CSMD3: variants seen among roughly 807,000 people sequenced by gnomAD.
CSMD3 encodes CUB and Sushi multiple domains 3, also known as CUB and sushi domain-containing protein 3.
CSMD3 carries 177 observed loss-of-function variants against 435.2 expected under a neutral mutation model. The ratio of observed to expected loss-of-function variants is 0.41; its 90% confidence interval spans 0.36 to 0.46. CSMD3 has a LOEUF of 0.46. Ranked by LOEUF, CSMD3 falls within the 20% of genes least tolerant of loss-of-function variation. The pLI is 0.34. For synonymous variants in CSMD3, 1,656 were observed against 1,520.5 expected (o/e 1.09, Z -2.07); for missense variants, 4,265 against 4,504.6 (o/e 0.95, Z 1.52).
In CSMD3 at chr8:113,000,719, C is replaced by A. The variant is rs113666299; in HGVS notation, c.1030+18348G>T. On this transcript the variant is annotated intron_variant, in intron 6 of 70. Transcript: ENST00000297405. ...CTTTGGTTGTATTTTCCTGATTTTA[C>A]ATTAAGTCTTTGGGGGAAATCATTA... 4.6e-3 allele frequency among the ~76,000 whole-genome samples: 697 copies of A among 152,062 alleles called. 5 individuals carry two copies. Among genetic ancestry groups the A allele is most frequent in the Non-Finnish European group, 7.1e-3 (485 of 67,944 alleles).
At chr8:112,789,102 G>A (rs746767193) in intron 13 of CSMD3, among the ~76,000 whole-genome samples, 9 of 152,012 alleles carry the variant, frequency 5.9e-5, no homozygotes, top group Non-Finnish European at 1.0e-4. Flanking sequence ...TATATAAAGA[G>A]ACATCTCAAA....
chr8:112,355,128 T>A (rs1053050262), intron 38 of CSMD3, among the ~76,000 whole-genome samples: 1 of 152,230 alleles, frequency 6.6e-6, no homozygotes, highest in East Asian at 1.9e-4. Flanking sequence ...TAAATGGTGC[T>A]AGGATAACTG....
intron 1 of CSMD3, among the ~76,000 whole-genome samples, chr8:113,346,538 C>A (rs1363607762): frequency 6.6e-6 from 1 of 151,972 alleles, no homozygotes; most frequent in Non-Finnish European, 1.5e-5. Flanking sequence ...AAAAATGGAA[C>A]TTTGTATATG....
chr8:113,288,887 A>G (rs2132516629), intron 2 of CSMD3, among the ~76,000 whole-genome samples: 1 of 151,962 alleles, frequency 6.6e-6, no homozygotes, highest in African/African-American at 2.4e-5. Flanking sequence ...TGGGAGATTT[A>G]ATTGGGATAA....
At position 112,436,303 on chromosome 8, in the gene CSMD3, A is replaced by T. The variant is rs1814341349; in HGVS notation, c.5396-27271T>A. Among the ~76,000 whole-genome samples the T allele has an allele frequency of 2.0e-5, 3 of 151,890 alleles. No individual in the cohort carries two copies. In the South Asian group the frequency reaches 6.2e-4, roughly 31 times the overall value. On this transcript the variant is annotated intron_variant, in intron 32 of 70. Transcript: ENST00000297405. ...AGTAAATATAATAAAGTTATAAAAG[A>T]TATTTTTCTATGCCTTATTCTGATT...
intron 5 of CSMD3, among the ~76,000 whole-genome samples, chr8:113,090,046 G>A (rs576728727): frequency 6.6e-6 from 1 of 152,024 alleles, no homozygotes; most frequent in Non-Finnish European, 1.5e-5. Flanking sequence ...CATTGTAGAA[G>A]GGACCAGTGA....
intron 1 of CSMD3, among the ~76,000 whole-genome samples, chr8:113,420,727 C>A (rs1283080660): frequency 6.6e-6 from 1 of 151,920 alleles, no homozygotes; most frequent in Non-Finnish European, 1.5e-5. Context: ...GCGGATGGAT[C>A]ACCTGAGGTC....
chr8:113,048,507 G>A (rs1280208144), intron 5 of CSMD3, among the ~76,000 whole-genome samples: 1 of 152,064 alleles, frequency 6.6e-6, no homozygotes, highest in Non-Finnish European at 1.5e-5. Context: ...TTATATTAAA[G>A]TCTTTATAAA....
chr8:113,130,490 C>G (rs2091257739), intron 4 of CSMD3, among the ~76,000 whole-genome samples: 1 of 152,142 alleles, frequency 6.6e-6, no homozygotes, highest in Non-Finnish European at 1.5e-5. Context: ...TCCCCTTCAC[C>G]TTCTGCCATG....
intron 13 of CSMD3, among the ~76,000 whole-genome samples, chr8:112,693,732 GTTGT>G (rs770359080): frequency 6.6e-6 from 1 of 151,296 alleles, no homozygotes; most frequent in Non-Finnish European, 1.5e-5. Context: ...CCTTTAAAAT[GTTGT>G]TTATTATATG....
At chr8:113,007,649 G>T (rs1564201903) in intron 6 of CSMD3, among the ~76,000 whole-genome samples, 2 of 151,866 alleles carry the variant, frequency 1.3e-5, no homozygotes, top group African/African-American at 4.8e-5. Context: ...AATTTAGTGT[G>T]GTCATAGAAC....
intron 4 of CSMD3, among the ~76,000 whole-genome samples, chr8:113,152,224 A>G (rs1234583935): frequency 6.6e-6 from 1 of 152,082 alleles, no homozygotes; most frequent in African/African-American, 2.4e-5. Context: ...GACAAAACTT[A>G]AAATCACACT....
At position 113,266,200 on chromosome 8, in the gene CSMD3, T is replaced by C. The variant is rs1054837566; in HGVS notation, c.514+12392A>G. On this transcript the variant is annotated intron_variant, in intron 3 of 70. Coordinates refer to ENST00000297405, the MANE Select transcript of CSMD3 (RefSeq NM_198123.2). ...TAAACTTAAAAAAAAAAAAAAAAAC[T>C]AAAGTAATTTAATGCTCTCAAGGAT... 8.7e-5 allele frequency among the ~76,000 whole-genome samples: 12 copies of C among 137,296 alleles called. No individual in the cohort carries two copies. The East Asian group carries it at 1.4e-3, about 16-fold the overall frequency. The allele number at this position is 137,296 out of a possible 152,430, so 90.1% of individuals were successfully genotyped here.
At chr8:113,183,686 C>T (rs1441089324) in intron 3 of CSMD3, among the ~76,000 whole-genome samples, 3 of 151,898 alleles carry the variant, frequency 2.0e-5, no homozygotes, top group East Asian at 3.9e-4. Flanking sequence ...CCAATTTATG[C>T]CTGAGCTCTT....
intron 27 of CSMD3, among the ~76,000 whole-genome samples, chr8:112,523,442 T>C (rs1460111227): frequency 6.6e-6 from 1 of 152,048 alleles, no homozygotes; most frequent in Non-Finnish European, 1.5e-5. Flanking sequence ...AGTAATTTTA[T>C]ATTTTTTGCC....
At chr8:113,222,916 A>G (rs2092986354) in intron 3 of CSMD3, among the ~76,000 whole-genome samples, 1 of 150,908 alleles carries the variant, frequency 6.6e-6, no homozygotes, top group Non-Finnish European at 1.5e-5. Context: ...GTTTTTTGCA[A>G]GTTTGTGCAA....
chr8:112,468,047 C>T (rs7835735), intron 32 of CSMD3, among the ~76,000 whole-genome samples: 38,416 of 151,900 alleles, frequency 0.25, 4,986 homozygotes, highest in East Asian at 0.38. Context: ...AAGAGGATGA[C>T]TGAAGAGAGA....
At chr8:112,366,474 T>C (rs1052194027) in intron 38 of CSMD3, among the ~76,000 whole-genome samples, 1 of 152,230 alleles carries the variant, frequency 6.6e-6, no homozygotes, top group Non-Finnish European at 1.5e-5. Flanking sequence ...CTCGGCGCAC[T>C]GCAACCTCTG....
chr8:112,353,946 CA>C (rs1254840047), intron 38 of CSMD3, among the ~76,000 whole-genome samples: 2 of 152,118 alleles, frequency 1.3e-5, no homozygotes, highest in African/African-American at 4.8e-5. Context: ...GTAAAATCCT[CA>C]GCAAAATACT....
Sources: allele counts gnomAD v4.1 joint callset (sites outside exome capture counted in the v4.1 genomes callset), GRCh38; gene constraint gnomAD v4.1.1; transcripts MANE v1.5; gene names NCBI Gene and HGNC (gene_info 2026-07-23, HGNC 2026-07-21).